PJA1: variants seen among roughly 807,000 people sequenced by gnomAD.
The protein encoded by PJA1 is E3 ubiquitin-protein ligase Praja-1.
A neutral mutation model predicts 14.1 loss-of-function variants in PJA1; 5 were observed. That is an observed-to-expected ratio of 0.35 (90% CI 0.18 to 0.74). The LOEUF (loss-of-function observed/expected upper bound fraction) is 0.74. Ranked by LOEUF, PJA1 falls within the 30% of genes least tolerant of loss-of-function variation. The probability of loss-of-function intolerance (pLI) is 0.56; values close to 1 mark genes in which losing one functional copy is unlikely to be tolerated. For synonymous variants in PJA1, 174 were observed against 190.9 expected (o/e 0.91, Z 0.73); for missense variants, 394 against 482.6 (o/e 0.82, Z 1.72).
In PJA1 at chrX:69,161,479, C is replaced by T. The variant is rs778831059; in HGVS notation, c.1595G>A (p.Gly532Asp). 4 of 1,211,861 alleles carry T rather than the reference C, an allele frequency of 3.3e-6. No homozygotes were observed. The highest frequency in any genetic ancestry group is 2.3e-4 in the Middle Eastern group (1 of 4,356). The change falls in exon 2 of 2, where the codon GGC becomes GAC. Residue 532 changes from glycine to aspartate, a missense_variant. By Grantham distance (94) the Gly-to-Asp change is moderately conservative. Coordinates refer to ENST00000374571, the MANE Select transcript of PJA1 (RefSeq NM_001032396.4). The part of the protein sequence containing the change: ...LPEILVTEDH[G>D]AVGQEMCCPI... ...GCAGCACATCTCCTGACCAACTGCG[C>T]CATGATCTTCAGTGACCAGGATCTC...
In PJA1 at chrX:69,161,637, G is replaced by A; in HGVS notation, c.1437C>T (p.Phe479=). 8.3e-7 allele frequency: 1 copy of A among 1,211,468 alleles called. No homozygotes were observed. The highest frequency in any genetic ancestry group is 1.1e-6 in the Non-Finnish European group (1 of 895,474). ...GTTCTTCAAGTGCCATGTAGGTGAG[G>A]AACTGAGGGTCCACATAGGAAATGG... The part of the protein sequence containing the change: ...AEAISYVDPQ[F]LTYMALEERL... The change falls in exon 2 of 2, where the codon TTC becomes TTT. Residue 479 remains phenylalanine, a synonymous_variant. Transcript: ENST00000374571.
intron 1 of PJA1, 85 bp downstream of exon 1, chrX:69,165,287 T>TGCCCGGCCACTCGCCCCGC (rs1248830503): frequency 8.9e-6 from 1 of 112,503 alleles, no homozygotes; most frequent in Non-Finnish European, 1.9e-5. Flanking sequence ...CTCGCCCCCG[T>TGCCCGGCCACTCGCCCCGC]GCCCGGCCAC....
chrX:69,161,952 G>T lies in PJA1; in HGVS notation c.1122C>A (p.Ala374=). ...TGCCATTGCTGCCAGCACTGGCCCC[G>T]GCGCCAGCCCCGGCACTGGCACTAG... ...PGASASAGAG[A]GASAGSNGSN... The change falls in exon 2 of 2, where the codon GCC becomes GCA. Residue 374 remains alanine (A), a synonymous_variant. Transcript: ENST00000374571. 8.3e-7 allele frequency: 1 copy of T among 1,209,981 alleles called. No individual in the cohort carries two copies. The highest frequency in any genetic ancestry group is 1.1e-6 in the Non-Finnish European group (1 of 894,944).
chrX:69,162,089 G>T lies in PJA1; in HGVS notation c.985C>A (p.Gln329Lys). The change falls in exon 2 of 2, where the codon CAA becomes AAA. Residue 329 changes from glutamine to lysine, a missense_variant. Gln to Lys is a moderately conservative substitution (Grantham distance 53). Around this residue, in one of 2 missense-constraint regions of PJA1, gnomAD observed 378 missense variants for 439.3 expected, o/e 0.86. Coordinates refer to ENST00000374571, the MANE Select transcript of PJA1 (RefSeq NM_001032396.4). ...CTTTCGCCACTGGAGGACAGGGTTTGCTCTCGGCTTCGATATTTCCGACGC... is the reference window on the plus strand; with the variant it reads ...CTTTCGCCACTGGAGGACAGGGTTTTCTCTCGGCTTCGATATTTCCGACGC... ...ALRRKYRSRE[Q>K]TLSSSGESWE... is the part of the protein sequence containing the mutation. 1 of 1,211,197 alleles carries T rather than the reference G, an allele frequency of 8.3e-7. No individual in the cohort carries two copies. The highest frequency in any genetic ancestry group is 1.1e-6 in the Non-Finnish European group (1 of 895,371).
In PJA1 at chrX:69,161,528, T is replaced by C. The variant is rs776158176; in HGVS notation, c.1546A>G (p.Lys516Glu). 1 of 1,210,740 alleles carries C rather than the reference T, an allele frequency of 8.3e-7. No homozygotes were observed. Among genetic ancestry groups the C allele is most frequent in the South Asian group, 1.8e-5 (1 of 56,898 alleles). ...DVEVANPPASKESIDALPEIL... is the reference protein window; with the variant it reads ...DVEVANPPASEESIDALPEIL... ...TCGGGAAGAGCGTCAATGCTCTCCT[T>C]GCTTGCTGGTGGATTGGCCACCTCT... The change falls in exon 2 of 2, where the codon AAG becomes GAG. Residue 516 changes from lysine (K) to glutamate (E), a missense_variant. Physicochemically the swap from Lys to Glu is moderately conservative, Grantham distance 56. Around this residue, in one of 2 missense-constraint regions of PJA1, gnomAD observed 378 missense variants for 439.3 expected, o/e 0.86. Transcript: ENST00000374571.
Position 69,161,726 on chromosome X carries a change from C to G in PJA1, c.1348G>C (p.Glu450Gln). The G allele has an allele frequency of 8.3e-7, 1 of 1,211,548 alleles. No homozygotes were observed. Among genetic ancestry groups the G allele is most frequent in the Non-Finnish European group, 1.1e-6 (1 of 895,513 alleles). Residue 450 changes from glutamate (E) to glutamine (Q), a missense_variant, in exon 2 of 2, where the codon GAA becomes CAA. This residue lies in a region of PJA1 where 378 missense variants were observed against 439.3 expected (regional missense o/e 0.86). Transcript: ENST00000374571. ...NNLEDDSSVS[E>Q]DLEVDWSLFD... ...AGGCTCCAATCCACTTCTAGGTCTT[C>G]GCTCACACTGGAGTCATCTTCAAGG... is the stretch of plus-strand genomic sequence containing the variant.
chrX:69,162,062 A>C lies in PJA1; in HGVS notation c.1012T>G (p.Trp338Gly). 8.3e-7 allele frequency: 1 copy of C among 1,210,929 alleles called. No individual in the cohort carries two copies. The highest frequency in any genetic ancestry group is 1.1e-6 in the Non-Finnish European group (1 of 895,312). Reference protein sequence around the residue: ...EQTLSSSGESWETLPGKEERE... With the variant: ...EQTLSSSGESGETLPGKEERE... ...TCTTCTTTCCCCGGCAGAGTCTCCC[A>C]GCTTTCGCCACTGGAGGACAGGGTT... The change falls in exon 2 of 2, where the codon TGG becomes GGG. Residue 338 changes from tryptophan (W) to glycine (G), a missense_variant. By Grantham distance (184) the Trp-to-Gly change is radical (BLOSUM62 -2). This residue lies in a region of PJA1 where 378 missense variants were observed against 439.3 expected (regional missense o/e 0.86). Transcript: ENST00000374571.
At position 69,162,670 on chromosome X, in the gene PJA1, C is replaced by A; in HGVS notation, c.404G>T (p.Cys135Phe). 4.1e-6 allele frequency: 5 copies of A among 1,209,443 alleles called. No homozygotes were observed. Among genetic ancestry groups the A allele is most frequent in the Non-Finnish European group, 5.6e-6 (5 of 894,265 alleles). ...DKLDPVPAAR[C>F]SASRADFLPQ... ...CAGGAAGTCAGCTCTGCTAGCTGAG[C>A]ATCTTGCTGCAGGGACTGGGTCTAA... The change falls in exon 2 of 2, where the codon TGC becomes TTC. Residue 135 changes from cysteine to phenylalanine, a missense_variant. Coordinates refer to ENST00000374571, the MANE Select transcript of PJA1 (RefSeq NM_001032396.4).
At position 69,161,718 on chromosome X, in the gene PJA1, T is replaced by A. The variant is rs370802682; in HGVS notation, c.1356A>T (p.Leu452=). 15 of 1,209,579 alleles carry A rather than the reference T, an allele frequency of 1.2e-5. No homozygotes were observed. The highest frequency in any genetic ancestry group is 1.7e-5 in the Non-Finnish European group (15 of 895,148). Residue 452 remains leucine (L), a synonymous_variant, in exon 2 of 2, where the codon CTA becomes CTT. Transcript: ENST00000374571. ...LEDDSSVSED[L]EVDWSLFDGF... is the part of the protein sequence containing the mutation. ...CATCAAAGAGGCTCCAATCCACTTC[T>A]AGGTCTTCGCTCACACTGGAGTCAT...
At position 69,161,166 on chromosome X, in the gene PJA1, G is replaced by A. The variant is rs996953727; in HGVS notation, c.*141C>T. On this transcript the variant is annotated 3_prime_UTR_variant, in exon 2 of 2. Transcript: ENST00000374571. ...ATCATACACAACTGTTTTCACATTG[G>A]AAATAATCACGAGGAATCAATAGGT... 4.5e-6 allele frequency: 4 copies of A among 890,249 alleles called. No homozygotes were observed. In the Admixed American group the frequency reaches 1.9e-4, roughly 42 times the overall value. 73.4% of individuals were successfully genotyped at this position (890,249 alleles called of 1,213,427 possible).
chrX:69,161,660 T>C lies in PJA1; in HGVS notation c.1414A>G (p.Ile472Val), dbSNP rs1033820486. Residue 472 changes from isoleucine to valine, a missense_variant, in exon 2 of 2, where the codon ATT becomes GTT. Physicochemically the swap from Ile to Val is conservative, Grantham distance 29. Around this residue, in one of 2 missense-constraint regions of PJA1, gnomAD observed 378 missense variants for 439.3 expected, o/e 0.86. Transcript: ENST00000374571. ...AGGAACTGAGGGTCCACATAGGAAA[T>C]GGCTTCAGCCACTCCTAACCCATCT... is the stretch of plus-strand genomic sequence containing the variant. ...FADGLGVAEA[I>V]SYVDPQFLTY... 11 of 1,211,504 alleles carry C rather than the reference T, an allele frequency of 9.1e-6. No homozygotes were observed. Among genetic ancestry groups the C allele is most frequent in the Non-Finnish European group, 1.2e-5 (11 of 895,490 alleles).
rs201523833 is a variant in PJA1, at chrX:69,161,542, T to C, written c.1532A>G (p.Asn511Ser). The stretch of plus-strand genomic sequence containing the variant: ...AATGCTCTCCTTGCTTGCTGGTGGA[T>C]TGGCCACCTCTACATCCACTGCGAG... Reference protein sequence around the residue: ...ESLAVDVEVANPPASKESIDA... With the variant: ...ESLAVDVEVASPPASKESIDA... The change falls in exon 2 of 2, where the codon AAT becomes AGT. Residue 511 changes from asparagine to serine, a missense_variant. By Grantham distance (46) the Asn-to-Ser change is conservative. Transcript: ENST00000374571. 3 of 1,210,811 alleles carry C rather than the reference T, an allele frequency of 2.5e-6. No homozygotes were observed. Among genetic ancestry groups the C allele is most frequent in the Admixed American group, 2.2e-5 (1 of 45,991 alleles).
chrX:69,162,620 A>G lies in PJA1; in HGVS notation c.454T>C (p.Ser152Pro). 8.3e-7 allele frequency: 1 copy of G among 1,211,430 alleles called. No homozygotes were observed. Among genetic ancestry groups the G allele is most frequent in the African/African-American group, 1.7e-5 (1 of 57,719 alleles). The change falls in exon 2 of 2, where the codon TCG becomes CCG. Residue 152 changes from serine (S) to proline (P), a missense_variant. Ser to Pro is a moderately conservative substitution (Grantham distance 74). Transcript: ENST00000374571. The stretch of plus-strand genomic sequence containing the variant: ...GTAGCCAGCTTGCCTTCAGAAGACG[A>G]CTGTGAGGCCACACTACTTTGTGGC... Reference protein sequence around the residue: ...FLPQSSVASQSSSEGKLATKG... With the variant: ...FLPQSSVASQPSSEGKLATKG...
Position 69,161,454 on chromosome X carries a change from G to A in PJA1, c.1620C>T (p.Cys540=), listed in dbSNP as rs760476872. Residue 540 remains cysteine (C), a synonymous_variant, in exon 2 of 2, where the codon TGC becomes TGT. Transcript: ENST00000374571. Reference sequence around the variant, plus strand: ...TCACATATTCGCTACAGCAGATGGGGCAGCACATCTCCTGACCAACTGCGC... The same window carrying A: ...TCACATATTCGCTACAGCAGATGGGACAGCACATCTCCTGACCAACTGCGC... ...DHGAVGQEMC[C]PICCSEYVKG... 1 of 1,211,565 alleles carries A rather than the reference G, an allele frequency of 8.3e-7. No homozygotes were observed. The highest frequency in any genetic ancestry group is 1.7e-5 in the African/African-American group (1 of 57,763).
chrX:69,163,514 G>A (rs1925144569), intron 1 of PJA1: 2 of 313,385 alleles, frequency 6.4e-6, no homozygotes. Context: ...GACTGGGTTT[G>A]CAGGAAAGCC....
chrX:69,163,108 A>G lies in PJA1; in HGVS notation c.-35T>C, dbSNP rs1349064638. ...GGAGTTCGTCTTTCTCTGGCTGGCA[A>G]TCCTTTCCCGCTGGCTCGTGGGTGG... is the stretch of plus-strand genomic sequence containing the variant. On this transcript the variant is annotated 5_prime_UTR_variant, in exon 2 of 2. Coordinates refer to ENST00000374571, the MANE Select transcript of PJA1 (RefSeq NM_001032396.4). 5.8e-6 allele frequency: 7 copies of G among 1,208,673 alleles called. No individual in the cohort carries two copies. In the African/African-American group the frequency reaches 1.2e-4, roughly 21 times the overall value.
At position 69,161,706 on chromosome X, in the gene PJA1, C is replaced by T; in HGVS notation, c.1368G>A (p.Trp456Ter). ...CATCTGCAAATCCATCAAAGAGGCT[C>T]CAATCCACTTCTAGGTCTTCGCTCA... ...SSVSEDLEVD[W>*]SLFDGFADGL... The change falls in exon 2 of 2, where the codon TGG becomes TGA. Residue 456 changes from tryptophan (W) to a stop codon, truncating the protein, a stop_gained. Transcript: ENST00000374571. LOFTEE classifies it high-confidence loss of function. 8.3e-7 allele frequency: 1 copy of T among 1,211,659 alleles called. No homozygotes were observed. The highest frequency in any genetic ancestry group is 3.0e-5 in the East Asian group (1 of 33,787).
At position 69,162,828 on chromosome X, in the gene PJA1, C is replaced by T. The variant is rs1178382211; in HGVS notation, c.246G>A (p.Pro82=). The T allele has an allele frequency of 5.8e-6, 7 of 1,209,268 alleles. No individual in the cohort carries two copies. The highest frequency in any genetic ancestry group is 3.5e-5 in the African/African-American group (2 of 56,910). The change falls in exon 2 of 2, where the codon CCG becomes CCA. Residue 82 remains proline (P), a synonymous_variant. Transcript: ENST00000374571. ...EEEGAGPVER[P]PVRGKTGKFK... ...ACTTGCCAGTTTTCCCTCTCACTGG[C>T]GGTCGCTCAACAGGCCCAGCCCCCT...
chrX:69,161,448 G>A lies in PJA1; in HGVS notation c.1626C>T (p.Ile542=). ...CCCCCTTCACATATTCGCTACAGCA[G>A]ATGGGGCAGCACATCTCCTGACCAA... The part of the protein sequence containing the change: ...GAVGQEMCCP[I]CCSEYVKGEV... Residue 542 remains isoleucine (I), a synonymous_variant, in exon 2 of 2, where the codon ATC becomes ATT. Transcript: ENST00000374571. 1 of 1,211,750 alleles carries A rather than the reference G, an allele frequency of 8.3e-7. No homozygotes were observed. The highest frequency in any genetic ancestry group is 1.1e-6 in the Non-Finnish European group (1 of 895,479).
Sources: allele counts gnomAD v4.1 joint callset, GRCh38; gene constraint gnomAD v4.1.1; regional missense constraint gnomAD v4.1.1; transcripts MANE v1.5; gene names NCBI Gene and HGNC (gene_info 2026-07-23, HGNC 2026-07-21).